NBPF3: variants seen among roughly 807,000 people sequenced by gnomAD.
NBPF3 encodes the protein NBPF family member NBPF3.
In NBPF3, 57 loss-of-function variants were observed where a neutral mutation model predicts 78.1. The observed-to-expected ratio is 0.73, with a 90% CI of 0.59 to 0.91. NBPF3 has a LOEUF of 0.91. NBPF3 is among the 40% of genes least tolerant of loss of function. The pLI is 0.00. For missense variants in NBPF3, 510 were observed against 715.3 expected, an observed-to-expected ratio of 0.71 and a Z score of 3.27; for synonymous variants, 182 against 271.7, an observed-to-expected ratio of 0.67 and a Z score of 3.25.
At chr1:21,471,217 G>T (rs1027843604) in intron 4 of NBPF3, among the ~76,000 whole-genome samples, 2 of 152,136 alleles carry the variant, frequency 1.3e-5, no homozygotes, top group Non-Finnish European at 2.9e-5. Flanking sequence ...TCTAGTCGCT[G>T]CAAGATGCAC....
chr1:21,468,974 C>T, intron 3 of NBPF3, 77 bp downstream of exon 3: 1 of 1,172,032 alleles, frequency 8.5e-7, no homozygotes, highest in Non-Finnish European at 1.2e-6. Context: ...AATGCTCTCT[C>T]CATCAAAAAT....
upstream of NBPF3, among the ~76,000 whole-genome samples, chr1:21,437,814 C>T (rs1640454753): frequency 8.7e-6 from 1 of 114,596 alleles, no homozygotes; most frequent in South Asian, 3.9e-4. Flanking sequence ...GCCACCTTGC[C>T]TGGCTAATTT....
chr1:21,457,971 A>G (rs1342308870), intron 2 of NBPF3, among the ~76,000 whole-genome samples: 2 of 152,246 alleles, frequency 1.3e-5, no homozygotes, highest in African/African-American at 2.4e-5. Flanking sequence ...GAGCTTATAT[A>G]CCTTCTAAGC....
chr1:21,467,543 C>G (rs1642342304), intron 2 of NBPF3, among the ~76,000 whole-genome samples: 2 of 152,160 alleles, frequency 1.3e-5, no homozygotes, highest in African/African-American at 4.8e-5. Context: ...TGGAATGAAA[C>G]CAAAAATCAA....
intron 2 of NBPF3, chr1:21,446,376 G>A (rs1455723426): frequency 6.6e-6 from 1 of 152,144 alleles, no homozygotes; most frequent in Non-Finnish European, 1.5e-5. Context: ...TGGTTAGTGT[G>A]TTCCTGTTAA....
At chr1:21,477,343 G>A (rs1223584838) in intron 8 of NBPF3, among the ~76,000 whole-genome samples, 5 of 152,190 alleles carry the variant, frequency 3.3e-5, no homozygotes, top group African/African-American at 1.2e-4. Context: ...ATCCTTTGGA[G>A]GAGAAGGGGC....
chr1:21,446,566 T>TCCTCCTC (rs1350692236), intron 2 of NBPF3: 1 of 126,560 alleles, frequency 7.9e-6, no homozygotes, highest in African/African-American at 2.9e-5. Flanking sequence ...CTCCCTTTCT[T>TCCTCCTC]CCTCCTTCCC....
chr1:21,459,342 G>C (rs982783234), intron 2 of NBPF3, among the ~76,000 whole-genome samples: 1 of 152,224 alleles, frequency 6.6e-6, no homozygotes, highest in Non-Finnish European at 1.5e-5. Flanking sequence ...TAAAATGGTA[G>C]TACTGGTGTA....
rs765246901 is a variant in NBPF3, at chr1:21,445,237, T to C, written c.133+18T>C. On this transcript the variant is annotated intron_variant, in intron 2 of 14. Transcript: ENST00000318249. ...TCCAACAGGTAAAAATCCCGAGGCA[T>C]TGCCAGCTCGGTGGGGTCAGAGAGT... 4.3e-6 allele frequency: 7 copies of C among 1,609,966 alleles called. No homozygotes were observed. The highest frequency in any genetic ancestry group is 5.9e-6 in the Non-Finnish European group (7 of 1,178,454).
At chr1:21,457,167 C>CATGTGT (rs138012048) in intron 2 of NBPF3, among the ~76,000 whole-genome samples, 1 of 149,680 alleles carries the variant, frequency 6.7e-6, no homozygotes, top group African/African-American at 2.5e-5. Context: ...TGGTGGCTCA[C>CATGTGT]GTGTGTGTGT....
At chr1:21,465,097 T>G (rs1642186098) in intron 2 of NBPF3, among the ~76,000 whole-genome samples, 1 of 151,266 alleles carries the variant, frequency 6.6e-6, no homozygotes, top group Non-Finnish European at 1.5e-5. Context: ...ATGTGTTAGA[T>G]GAAAGAAGTT....
Position 21,474,953 on chromosome 1 carries a change from T to TAATG in NBPF3, c.992+3_992+6dup. ...AGAAAAAGGGCCAGTGTCTCCCAGG[T>TAATG]AATGCCATGGAATTGTGGGCTGTTA... On this transcript the variant is annotated splice_region_variant and intron_variant, in intron 8 of 14. Coordinates refer to ENST00000318249, the MANE Select transcript of NBPF3 (RefSeq NM_032264.6). The TAATG allele has an allele frequency of 6.3e-7, 1 of 1,599,116 alleles. No individual in the cohort carries two copies. The highest frequency in any genetic ancestry group is 2.3e-5 in the East Asian group (1 of 44,440).
chr1:21,445,721 C>T (rs867280246), intron 2 of NBPF3, among the ~76,000 whole-genome samples: 9 of 152,302 alleles, frequency 5.9e-5, no homozygotes, highest in South Asian at 4.1e-4. Context: ...GGAAACATGG[C>T]TCAGTTGCCA....
chr1:21,478,800 T>C (rs1471182312), intron 9 of NBPF3, among the ~76,000 whole-genome samples: 1 of 152,246 alleles, frequency 6.6e-6, no homozygotes, highest in Non-Finnish European at 1.5e-5. Context: ...CTGTGTCTTC[T>C]AAGTTGGCTT....
At chr1:21,452,556 A>G (rs992603349) in intron 2 of NBPF3, among the ~76,000 whole-genome samples, 8 of 152,240 alleles carry the variant, frequency 5.3e-5, no homozygotes, top group Admixed American at 1.3e-4. Flanking sequence ...ATTGGAGATT[A>G]TTGCGGTGAA....
At chr1:21,475,089 A>T in intron 8 of NBPF3, 138 bp downstream of exon 8, 1 of 745,662 alleles carries the variant, frequency 1.3e-6, no homozygotes, top group Non-Finnish European at 2.2e-6. Flanking sequence ...ACAATGTTGT[A>T]CATTATTTGT....
upstream of NBPF3, chr1:21,436,864 C>G: frequency 3.3e-6 from 2 of 604,928 alleles, no homozygotes; most frequent in Admixed American, 4.8e-5. This position sits in a 1 kb window ranked among gnomAD's most constrained non-coding sequence, Gnocchi z 4.3. Flanking sequence ...GGGAGGGGCT[C>G]GCGCCCTCCG....
At chr1:21,479,820 C>CTCTCTGTGTGTGTGTGTGTG (rs766796014) in intron 10 of NBPF3, among the ~76,000 whole-genome samples, 132 of 102,828 alleles carry the variant, frequency 1.3e-3, no homozygotes, top group African/African-American at 2.7e-3. Flanking sequence ...CTCTCTCTCT[C>CTCTCTGTGTGTGTGTGTGTG]TGTGTGTGTG....
At chr1:21,465,143 T>A (rs1443181273) in intron 2 of NBPF3, among the ~76,000 whole-genome samples, 1 of 151,422 alleles carries the variant, frequency 6.6e-6, no homozygotes, top group African/African-American at 2.4e-5. Flanking sequence ...AGAAATGAGG[T>A]ATAGGGGAGA....
Sources: gnomAD v4.1 joint callset for allele counts (sites outside exome capture counted in the v4.1 genomes callset) on GRCh38, gnomAD v4.1.1 for gene constraint, Gnocchi (gnomAD v3.1) non-coding constraint, MANE v1.5 for transcripts, NCBI Gene and HGNC (gene_info 2026-07-23, HGNC 2026-07-21) for gene names.